The following SLC24A4 variants were observed in gnomAD, a reference collection of about 807,000 sequenced individuals.
SLC24A4 encodes sodium/potassium/calcium exchanger 4.
SLC24A4 carries 53 observed loss-of-function variants against 79.0 expected under a neutral mutation model. The ratio of observed to expected loss-of-function variants is 0.67; its 90% CI spans 0.54 to 0.84. The LOEUF (loss-of-function observed/expected upper bound fraction) is 0.84. SLC24A4 is among the 40% of genes least tolerant of loss of function. The probability of loss-of-function intolerance (pLI) is 0.00; values close to 1 mark genes in which losing one functional copy is unlikely to be tolerated. For synonymous variants in SLC24A4, 323 were observed against 323.8 expected (o/e 1.00, Z 0.03); for missense variants, 731 against 822.0 (o/e 0.89, Z 1.35).
chr14:92,484,279 G>C, intron 13 of SLC24A4: 1 of 985,354 alleles, frequency 1.0e-6, no homozygotes, highest in Non-Finnish European at 1.2e-6. Flanking sequence ...CCTCACCTCA[G>C]ATGCTTCCTC....
chr14:92,389,688 G>A (rs1381899685), intron 2 of SLC24A4, among the ~76,000 whole-genome samples: 4 of 152,264 alleles, frequency 2.6e-5, no homozygotes, highest in South Asian at 2.1e-4. Flanking sequence ...CTGGCTCCTC[G>A]GTGGCAAAGC....
intron 2 of SLC24A4, among the ~76,000 whole-genome samples, chr14:92,402,587 G>A (rs796818406): frequency 7.9e-5 from 12 of 152,234 alleles, no homozygotes; most frequent in African/African-American, 2.6e-4. Flanking sequence ...CCAAGACTGG[G>A]CAATTTACAA....
At chr14:92,442,051 C>T (rs372204807) in intron 4 of SLC24A4, 38 bp from the exon 5 acceptor site, 24 of 1,540,966 alleles carry the variant, frequency 1.6e-5, no homozygotes, top group African/African-American at 1.4e-4. Context: ...AGTACCCCCA[C>T]GTCACACCCT....
intron 16 of SLC24A4, 41 bp downstream of exon 16, chr14:92,492,281 T>A (rs117380384): frequency 0.014 from 22,168 of 1,578,010 alleles, 194 homozygotes; most frequent in Non-Finnish European, 0.017. Context: ...TCATGCATAC[T>A]TGATTTCATC....
At chr14:92,371,323 A>G (rs990801677) in intron 2 of SLC24A4, among the ~76,000 whole-genome samples, 4 of 152,208 alleles carry the variant, frequency 2.6e-5, no homozygotes, top group Non-Finnish European at 5.9e-5. Context: ...AACTAAATAC[A>G]CAGAGCAGTG....
chr14:92,446,930 C>T (rs758972935), intron 8 of SLC24A4, among the ~76,000 whole-genome samples: 16 of 152,208 alleles, frequency 1.1e-4, no homozygotes, highest in Non-Finnish European at 2.2e-4. Context: ...CTCTCAGGCC[C>T]TACTTCCGGG....
chr14:92,479,584 A>G (rs1377602109), intron 12 of SLC24A4, among the ~76,000 whole-genome samples: 2 of 152,110 alleles, frequency 1.3e-5, no homozygotes, highest in Admixed American at 1.3e-4. Context: ...AATCCTATCT[A>G]TATGTTACTG....
At chr14:92,374,183 G>A (rs1888367623) in intron 2 of SLC24A4, among the ~76,000 whole-genome samples, 1 of 152,202 alleles carries the variant, frequency 6.6e-6, no homozygotes. Flanking sequence ...GGGACCATTA[G>A]GAATGATTTT....
intron 2 of SLC24A4, among the ~76,000 whole-genome samples, chr14:92,355,080 AC>A (rs1204516768): frequency 6.6e-6 from 1 of 152,300 alleles, no homozygotes; most frequent in East Asian, 1.9e-4. Context: ...TCTCAACAAA[AC>A]AAAACAAACA....
At chr14:92,485,018 A>G in intron 13 of SLC24A4, 2 of 516,238 alleles carry the variant, frequency 3.9e-6, no homozygotes, top group Non-Finnish European at 5.0e-6. Context: ...TTGAGTTTGC[A>G]GCATGGTTGG....
intron 2 of SLC24A4, among the ~76,000 whole-genome samples, chr14:92,421,518 G>T (rs912007962): frequency 2.0e-5 from 3 of 151,764 alleles, no homozygotes; most frequent in Non-Finnish European, 4.4e-5. Context: ...TTTTGTTTTT[G>T]TTTTTTTGAG....
At chr14:92,352,001 G>A (rs183982031) in intron 2 of SLC24A4, among the ~76,000 whole-genome samples, 10 of 152,274 alleles carry the variant, frequency 6.6e-5, no homozygotes, top group Non-Finnish European at 1.5e-4. Context: ...TAGTTTTAGT[G>A]AGGGAGATGG....
chr14:92,395,432 A>AACACACACACACACAC lies in SLC24A4; in HGVS notation c.242-38461_242-38446dup, dbSNP rs60360408. Among the ~76,000 whole-genome samples the AACACACACACACACAC allele has an allele frequency of 1.4e-3, 205 of 144,914 alleles. 2 individuals carry two copies. Among genetic ancestry groups the AACACACACACACACAC allele is most frequent in the African/African-American group, 4.9e-3 (195 of 39,438 alleles). ...GATGATTCAAAACAAAACAAAACAA[A>AACACACACACACACAC]ACACACACACACACACACACACACA... On this transcript the variant is annotated intron_variant, in intron 2 of 16. Coordinates refer to ENST00000532405, the MANE Select transcript of SLC24A4 (RefSeq NM_153646.4).
At chr14:92,443,788 T>A (rs1892636161) in intron 7 of SLC24A4, among the ~76,000 whole-genome samples, 1 of 152,174 alleles carries the variant, frequency 6.6e-6, no homozygotes, top group South Asian at 2.1e-4. Flanking sequence ...TCTGCTGGGC[T>A]GTAGTTAAGG....
At chr14:92,359,608 A>G (rs995160305) in intron 2 of SLC24A4, among the ~76,000 whole-genome samples, 2 of 152,118 alleles carry the variant, frequency 1.3e-5, no homozygotes, top group African/African-American at 4.8e-5. Context: ...AAAGAAAAAA[A>G]AAAGATCAAG....
At chr14:92,475,609 C>T (rs903463306) in intron 12 of SLC24A4, among the ~76,000 whole-genome samples, 1 of 152,136 alleles carries the variant, frequency 6.6e-6, no homozygotes, top group Non-Finnish European at 1.5e-5. Flanking sequence ...GAAGAGAGGC[C>T]AGATAGATGG....
intron 2 of SLC24A4, among the ~76,000 whole-genome samples, chr14:92,413,720 C>T (rs1427329790): frequency 2.0e-5 from 3 of 152,166 alleles, no homozygotes; most frequent in Non-Finnish European, 4.4e-5. Context: ...CCTTCCGTTC[C>T]GGGGACAGAC....
At position 92,493,766 on chromosome 14, in the gene SLC24A4, A is replaced by T; in HGVS notation, c.*138A>T. 9.4e-7 allele frequency: 1 copy of T among 1,064,298 alleles called. No homozygotes were observed. The highest frequency in any genetic ancestry group is 1.3e-6 in the Non-Finnish European group (1 of 753,604). 65.9% of individuals were successfully genotyped at this position (1,064,298 alleles called of 1,614,324 possible). On this transcript the variant is annotated 3_prime_UTR_variant, in exon 17 of 17. Coordinates refer to ENST00000532405, the MANE Select transcript of SLC24A4 (RefSeq NM_153646.4). Reference sequence around the variant, plus strand: ...CTTTCACACACTGGAAGGAAGAGCCATCGTGGTCTTTGTCTGGCCACAGGC... The same window carrying T: ...CTTTCACACACTGGAAGGAAGAGCCTTCGTGGTCTTTGTCTGGCCACAGGC...
chr14:92,353,959 A>G lies in SLC24A4; in HGVS notation c.241+27981A>G, dbSNP rs1033971316. The stretch of plus-strand genomic sequence containing the variant: ...AGTTGATGGGCTGACCCCGTGCTGG[A>G]GTCACCTCGCAGTCACTTGCTAAGA... On this transcript the variant is annotated intron_variant, in intron 2 of 16. Coordinates refer to ENST00000532405, the MANE Select transcript of SLC24A4 (RefSeq NM_153646.4). The surrounding 1 kb of genome is among the most constrained non-coding windows in gnomAD (Gnocchi z 4.1). 6.6e-6 allele frequency among the ~76,000 whole-genome samples: 1 copy of G among 152,150 alleles called. No homozygotes were observed. Among genetic ancestry groups the G allele is most frequent in the Non-Finnish European group, 1.5e-5 (1 of 68,030 alleles).
Sources: gnomAD v4.1 joint callset for allele counts (sites outside exome capture counted in the v4.1 genomes callset) on GRCh38, gnomAD v4.1.1 for gene constraint, Gnocchi (gnomAD v3.1) non-coding constraint, MANE v1.5 for transcripts, NCBI Gene and HGNC (gene_info 2026-07-23, HGNC 2026-07-21) for gene names.